The following NEIL2 variants were observed in gnomAD, a reference collection of about 807,000 sequenced individuals.
NEIL2 encodes the protein nei like DNA glycosylase 2.
Under a neutral mutation model 22.2 loss-of-function variants are expected in NEIL2, and 23 were observed. That is an observed-to-expected ratio of 1.04 (90% CI 0.75 to 1.47). NEIL2 has a LOEUF of 1.47. Ranked by LOEUF, NEIL2 falls within the 40% of genes most tolerant of loss-of-function variation. NEIL2 has a pLI of 0.00. For synonymous variants in NEIL2, 229 were observed against 164.8 expected, an observed-to-expected ratio of 1.39 and a Z score of -2.99; for missense variants, 583 against 404.7, an observed-to-expected ratio of 1.44 and a Z score of -3.78.
intron 2 of NEIL2, among the ~76,000 whole-genome samples, chr8:11,772,410 C>G (rs1563249786): frequency 6.6e-6 from 1 of 152,334 alleles, no homozygotes; most frequent in Non-Finnish European, 1.5e-5. Context: ...GCCCCCTGCT[C>G]AAGCACTTCT....
At chr8:11,777,532 C>A (rs557701212) in intron 2 of NEIL2, among the ~76,000 whole-genome samples, 1 of 152,276 alleles carries the variant, frequency 6.6e-6, no homozygotes, top group South Asian at 2.1e-4. Flanking sequence ...CGCTAACTCC[C>A]CCTTTCCTCC....
At chr8:11,785,664 G>A (rs923774669) in intron 4 of NEIL2, among the ~76,000 whole-genome samples, 3 of 152,314 alleles carry the variant, frequency 2.0e-5, no homozygotes, top group Middle Eastern at 6.8e-3. Flanking sequence ...TCAGGGTCAC[G>A]TGGGTAGGAT....
chr8:11,774,060 T>A (rs1803697982), intron 2 of NEIL2, among the ~76,000 whole-genome samples: 1 of 152,174 alleles, frequency 6.6e-6, no homozygotes, highest in South Asian at 2.1e-4. Flanking sequence ...GCAAGAGAGC[T>A]TGTGCAGGGG....
Position 11,786,765 on chromosome 8 carries a change from G to T in NEIL2, c.*492G>T, listed in dbSNP as rs1035319354. The T allele has an allele frequency of 6.3e-5, 12 of 189,386 alleles. No homozygotes were observed. Among genetic ancestry groups the T allele is most frequent in the Non-Finnish European group, 1.1e-4 (10 of 91,062 alleles). 11.7% of individuals were successfully genotyped at this position (189,386 alleles called of 1,614,324 possible). A position where few individuals can be genotyped will look rare whatever the true frequency, so the allele number is the denominator to read the frequency against. ...AGCAGTCTTCATCTCAGCCTCCAGAGTAGCTGGGACTACAGGCATGTGATA... is the reference window on the plus strand; with the variant it reads ...AGCAGTCTTCATCTCAGCCTCCAGATTAGCTGGGACTACAGGCATGTGATA... On this transcript the variant is annotated 3_prime_UTR_variant, in exon 5 of 5. Transcript: ENST00000284503.
intron 4 of NEIL2, among the ~76,000 whole-genome samples, chr8:11,785,193 ATTT>A (rs1804791717): frequency 6.7e-6 from 1 of 149,608 alleles, no homozygotes; most frequent in Admixed American, 6.7e-5. Flanking sequence ...TTTGTTTTTA[ATTT>A]AAAAAAAAAT....
rs969361011 is a variant in NEIL2 at position 11,786,582 on chromosome 8, T to A, written c.*309T>A. 4.1e-5 allele frequency: 18 copies of A among 435,726 alleles called. 1 individual carries two copies. The highest frequency in any genetic ancestry group is 6.3e-5 in the Non-Finnish European group (15 of 236,450). The allele number at this position is 435,726 out of a possible 1,614,324, so 27.0% of individuals were successfully genotyped here. On this transcript the variant is annotated 3_prime_UTR_variant, in exon 5 of 5. Coordinates refer to ENST00000284503, the MANE Select transcript of NEIL2 (RefSeq NM_145043.4). ...CAATGGGGCAAGGAAAAAGAAAGCC[T>A]ATGGGAAATGGCTGTGCTCCCAACA...
intron 3 of NEIL2, among the ~76,000 whole-genome samples, chr8:11,781,360 A>G (rs1804405682): frequency 6.6e-6 from 1 of 152,134 alleles, no homozygotes; most frequent in Admixed American, 6.5e-5. Flanking sequence ...CTTTCCACGC[A>G]TTGGTTTTCT....
chr8:11,780,642 A>T (rs936344416), intron 3 of NEIL2, among the ~76,000 whole-genome samples: 1 of 152,212 alleles, frequency 6.6e-6, no homozygotes, highest in Non-Finnish European at 1.5e-5. Flanking sequence ...TCCGCCTCCC[A>T]AAGTGCTGGG....
chr8:11,771,975 C>T (rs764254906), intron 2 of NEIL2, among the ~76,000 whole-genome samples: 11 of 152,130 alleles, frequency 7.2e-5, no homozygotes, highest in East Asian at 1.9e-4. Context: ...GAGGCCGAGG[C>T]GGGTGGATCA....
chr8:11,772,765 TTAAGCATGTTCATCTCA>T (rs1302976993), intron 2 of NEIL2, among the ~76,000 whole-genome samples: 6 of 152,230 alleles, frequency 3.9e-5, no homozygotes, highest in African/African-American at 1.4e-4. Context: ...CCGTGTGCTC[TTAAGCATGTTCATCTCA>T]TAGCTCTTTC....
intron 2 of NEIL2, among the ~76,000 whole-genome samples, chr8:11,772,197 C>T (rs188956112): frequency 6.2e-5 from 9 of 145,494 alleles, no homozygotes; most frequent in Admixed American, 1.3e-4. Flanking sequence ...AGTGAGACTC[C>T]GTCTCAAAAA....
chr8:11,785,290 G>C (rs540273452), intron 4 of NEIL2, among the ~76,000 whole-genome samples: 5 of 152,306 alleles, frequency 3.3e-5, no homozygotes, highest in Non-Finnish European at 5.9e-5. Flanking sequence ...CCACCTCCCA[G>C]GTTTAAGCTA....
intron 2 of NEIL2, among the ~76,000 whole-genome samples, chr8:11,778,003 G>C (rs1427341526): frequency 1.3e-5 from 2 of 152,206 alleles, no homozygotes; most frequent in Admixed American, 6.5e-5. Flanking sequence ...TTATTCATCT[G>C]TTTGCCCTTG....
At chr8:11,779,376 C>T (rs184603583) in intron 2 of NEIL2, among the ~76,000 whole-genome samples, 1 of 152,210 alleles carries the variant, frequency 6.6e-6, no homozygotes, top group Admixed American at 6.5e-5. Flanking sequence ...GGGTGTGTTT[C>T]ACTGCCAACT....
chr8:11,777,917 T>G (rs1804050855), intron 2 of NEIL2, among the ~76,000 whole-genome samples: 1 of 152,244 alleles, frequency 6.6e-6, no homozygotes, highest in Non-Finnish European at 1.5e-5. Context: ...AGTTGCCATC[T>G]CTTACCACTG....
At chr8:11,779,526 G>C (rs1804205185) in intron 2 of NEIL2, 72 bp from the exon 3 acceptor site, 1 of 1,214,956 alleles carries the variant, frequency 8.2e-7, no homozygotes, top group African/African-American at 1.5e-5. Flanking sequence ...CTTTGCAATA[G>C]GATAAATATC....
At chr8:11,778,645 A>G (rs1226887555) in intron 2 of NEIL2, among the ~76,000 whole-genome samples, 1 of 152,114 alleles carries the variant, frequency 6.6e-6, no homozygotes, top group Non-Finnish European at 1.5e-5. Flanking sequence ...AGGAGGTGCA[A>G]TATGAAAATA....
intron 2 of NEIL2, among the ~76,000 whole-genome samples, chr8:11,772,600 A>G (rs1258717935): frequency 1.3e-5 from 2 of 151,906 alleles, no homozygotes. Context: ...TTCCCTTTTT[A>G]CTGAGTTGTT....
chr8:11,771,325 G>A (rs2130424347), intron 1 of NEIL2, 121 bp from the exon 2 acceptor site: 2 of 1,274,308 alleles, frequency 1.6e-6, no homozygotes, highest in Non-Finnish European at 2.3e-6. Context: ...TTTTGGCCAT[G>A]CTTGCTCTTA....
Sources: gnomAD v4.1 joint callset for allele counts (sites outside exome capture counted in the v4.1 genomes callset) on GRCh38, gnomAD v4.1.1 for gene constraint, MANE v1.5 for transcripts, NCBI Gene and HGNC (gene_info 2026-07-23, HGNC 2026-07-21) for gene names.